Variants in UGDH observed in about 807,000 individuals in gnomAD.
The protein encoded by UGDH is UDP-Glc dehydrogenase.
Under a neutral mutation model 50.6 loss-of-function variants are expected in UGDH, and 38 were observed. That is an observed-to-expected ratio of 0.75 (90% CI 0.58 to 0.98). The LOEUF (loss-of-function observed/expected upper bound fraction) is 0.98. Among genes scored for constraint, UGDH ranks in the 50% least tolerant of loss-of-function variants. UGDH has a pLI of 0.00. For missense variants in UGDH, 465 were observed against 606.2 expected, an observed-to-expected ratio of 0.77 and a Z score of 2.45; for synonymous variants, 168 against 199.9, an observed-to-expected ratio of 0.84 and a Z score of 1.35.
In UGDH at chr4:39,505,357, T is replaced by C; in HGVS notation, c.1051A>G (p.Ile351Val). Residue 351 changes from isoleucine (I) to valine (V), a missense_variant, in exon 9 of 12, where the codon ATA becomes GTA. Physicochemically the swap from Ile to Val is conservative, Grantham distance 29. Transcript: ENST00000316423. The part of the protein sequence containing the change: ...DTGDTRESSS[I>V]YISKYLMDEG... ...TCCATCAAATATTTGCTAATATATA[T>C]ACTAGAAGATTCTCTATAGGAAAAA... 1 of 1,551,876 alleles carries C rather than the reference T, an allele frequency of 6.4e-7. No homozygotes were observed. The highest frequency in any genetic ancestry group is 8.7e-7 in the Non-Finnish European group (1 of 1,151,416).
At chr4:39,501,439 A>AT (rs1172862396) in intron 11 of UGDH, among the ~76,000 whole-genome samples, 3 of 151,334 alleles carry the variant, frequency 2.0e-5, no homozygotes, top group Non-Finnish European at 2.9e-5. Context: ...ACGCCCGGCA[A>AT]TTTTTTTGTA....
At chr4:39,506,818 T>C (rs1027873525) in intron 7 of UGDH, among the ~76,000 whole-genome samples, 18 of 152,162 alleles carry the variant, frequency 1.2e-4, no homozygotes, top group Admixed American at 3.9e-4. Flanking sequence ...AAAGCCATCA[T>C]GATGGATTGA....
Position 39,510,378 on chromosome 4 carries a change from G to A in UGDH, c.638C>T (p.Thr213Ile). ...VPREKILTTNTWSSELSKLAA... is the reference protein window; with the variant it reads ...VPREKILTTNIWSSELSKLAA... The stretch of plus-strand genomic sequence containing the variant: ...CAGTTTGGAAAGCTCTGAAGACCAA[G>A]TATTAGTGGTGAGGATCTTTTCTCT... Residue 213 changes from threonine (T) to isoleucine (I), a missense_variant, in exon 5 of 12, where the codon ACT becomes ATT. By Grantham distance (89) the Thr-to-Ile change is moderately conservative. Transcript: ENST00000316423. The A allele has an allele frequency of 6.2e-7, 1 of 1,614,214 alleles. No individual in the cohort carries two copies. Among genetic ancestry groups the A allele is most frequent in the Non-Finnish European group, 8.5e-7 (1 of 1,180,040 alleles).
rs774133578 is a variant in UGDH, at chr4:39,503,954, A to AT, written c.1294dup (p.Met432AsnfsTer20). ...ATCGAAGATAAAGGCTGGCTTTAGC[A>AT]TTTTTTTATGAATGCGTTCATAATC... On this transcript the variant is annotated frameshift_variant, in exon 11 of 12. Coordinates refer to ENST00000316423, the MANE Select transcript of UGDH (RefSeq NM_003359.4). LOFTEE classifies it high-confidence loss of function. 1.2e-6 allele frequency: 2 copies of AT among 1,614,034 alleles called. No homozygotes were observed. The highest frequency in any genetic ancestry group is 1.3e-5 in the African/African-American group (1 of 74,930).
rs973256107 is a variant in UGDH at position 39,505,652 on chromosome 4, C to T, written c.1003G>A (p.Gly335Arg). The T allele has an allele frequency of 1.9e-6, 3 of 1,604,986 alleles. No homozygotes were observed. The African/African-American group carries it at 4.0e-5, about 21-fold the overall frequency. The stretch of plus-strand genomic sequence containing the variant: ...CCAGTGTCCTTTTTGAATGCAAATC[C>T]CAAAATAGCTATCTTCTTATCAGTT... ...TVTDKKIAIL[G>R]FAFKKDTGDT... The change falls in exon 8 of 12, where the codon GGA (glycine) becomes AGA (arginine). Residue 335 changes from glycine to arginine, a missense_variant. By Grantham distance (125) the Gly-to-Arg change is moderately radical. Coordinates refer to ENST00000316423, the MANE Select transcript of UGDH (RefSeq NM_003359.4).
In UGDH at chr4:39,517,686, T is replaced by C. The variant is rs554479336; in HGVS notation, c.163-3502A>G. The stretch of plus-strand genomic sequence containing the variant: ...GTAAGTCAAAGCCCACTGTATGCCC[T>C]CTCCTAGTCACTACTATTCCCAAAT... On this transcript the variant is annotated intron_variant, in intron 2 of 11. Coordinates refer to ENST00000316423, the MANE Select transcript of UGDH (RefSeq NM_003359.4). Among the ~76,000 whole-genome samples the C allele has an allele frequency of 4.6e-5, 7 of 152,306 alleles. No individual in the cohort carries two copies. In the South Asian group the frequency reaches 1.5e-3, roughly 32 times the overall value.
At chr4:39,521,328 A>G (rs1334631574) in intron 2 of UGDH, 23 bp downstream of exon 2, 1 of 1,572,262 alleles carries the variant, frequency 6.4e-7, no homozygotes, top group South Asian at 1.2e-5. Flanking sequence ...GCATAAAAAC[A>G]AAGAGATGTT....
chr4:39,505,618 C>G lies in UGDH; in HGVS notation c.1037G>C (p.Arg346Thr). The G allele has an allele frequency of 1.3e-6, 2 of 1,587,918 alleles. No individual in the cohort carries two copies. The highest frequency in any genetic ancestry group is 1.7e-6 in the Non-Finnish European group (2 of 1,167,328). The stretch of plus-strand genomic sequence containing the variant: ...TTGAAATATTTTTAAAAACTGATAC[C>G]TTGTATCACCAGTGTCCTTTTTGAA... ...FAFKKDTGDT[R>T]ESSSIYISKY... Residue 346 changes from arginine (R) to threonine (T), a missense_variant and splice_region_variant, in exon 8 of 12, where the codon AGA (arginine) becomes ACA (threonine). Physicochemically the swap from Arg to Thr is moderately conservative, Grantham distance 71. Coordinates refer to ENST00000316423, the MANE Select transcript of UGDH (RefSeq NM_003359.4).
chr4:39,527,235 G>A, intron 1 of UGDH, 48 bp downstream of exon 1: 1 of 818,446 alleles, frequency 1.2e-6, no homozygotes, highest in South Asian at 1.6e-5. Context: ...GCCCAGACCT[G>A]GGAGCATCCC....
chr4:39,500,240 C>T lies in UGDH; in HGVS notation c.1388G>A (p.Gly463Asp). The change falls in exon 12 of 12, where the codon GGC (glycine) becomes GAC (aspartate). Residue 463 changes from glycine to aspartate, a missense_variant. Coordinates refer to ENST00000316423, the MANE Select transcript of UGDH (RefSeq NM_003359.4). ...QTIGFQIETI[G>D]KKVSSKRIPY... is the part of the protein sequence containing the mutation. ...AATTCTCTTTGAAGACACCTTTTTG[C>T]CAATTGTTTCAATCTGAAAAAAAAA... 1.3e-6 allele frequency: 2 copies of T among 1,584,544 alleles called. No homozygotes were observed. The highest frequency in any genetic ancestry group is 8.6e-7 in the Non-Finnish European group (1 of 1,164,802).
chr4:39,514,272 G>A, intron 2 of UGDH, 88 bp from the exon 3 acceptor site: 3 of 1,047,562 alleles, frequency 2.9e-6, no homozygotes, highest in Non-Finnish European at 4.3e-6. Flanking sequence ...TTGTTAAAGG[G>A]CATGGTAATA....
chr4:39,526,798 T>C (rs1248096517), intron 1 of UGDH, among the ~76,000 whole-genome samples: 1 of 152,130 alleles, frequency 6.6e-6, no homozygotes, highest in Non-Finnish European at 1.5e-5. Context: ...AGTCTTAGTA[T>C]TTTGCTCTCA....
Position 39,510,648 on chromosome 4 carries a change from T to C in UGDH, c.465+13A>G, listed in dbSNP as rs750064830. ...ATAAGAATAACCAGATTCTAATGCT[T>C]CATTTTTTATACCTGTAAATTCAAG... On this transcript the variant is annotated intron_variant, in intron 4 of 11. Coordinates refer to ENST00000316423, the MANE Select transcript of UGDH (RefSeq NM_003359.4). 5 of 1,614,232 alleles carry C rather than the reference T, an allele frequency of 3.1e-6. No individual in the cohort carries two copies. In the South Asian group the frequency reaches 5.5e-5, roughly 18 times the overall value.
chr4:39,522,570 G>C (rs533466649), intron 1 of UGDH, among the ~76,000 whole-genome samples: 3 of 152,118 alleles, frequency 2.0e-5, no homozygotes, highest in Non-Finnish European at 4.4e-5. Flanking sequence ...TTTTTGGTTT[G>C]AATCTGTATT....
chr4:39,512,174 T>C (rs957953094), intron 3 of UGDH, among the ~76,000 whole-genome samples: 3 of 152,126 alleles, frequency 2.0e-5, no homozygotes, highest in Admixed American at 1.3e-4. Context: ...ATGAATGTTA[T>C]AATGCTCTGA....
Position 39,500,189 on chromosome 4 carries a change from G to A in UGDH, c.1439C>T (p.Pro480Leu), listed in dbSNP as rs764992651. ...RIPYAPSGEI[P>L]KFSLQDPPNK... Reference sequence around the variant, plus strand: ...AGGTGGATCTTGAAGACTAAACTTCGGAATTTCACCAGAAGGAGCATATGG... The same window carrying A: ...AGGTGGATCTTGAAGACTAAACTTCAGAATTTCACCAGAAGGAGCATATGG... Residue 480 changes from proline (P) to leucine (L), a missense_variant, in exon 12 of 12, where the codon CCG becomes CTG. Transcript: ENST00000316423. 6.2e-6 allele frequency: 10 copies of A among 1,604,322 alleles called. No individual in the cohort carries two copies. Among genetic ancestry groups the A allele is most frequent in the Admixed American group, 5.0e-5 (3 of 59,742 alleles).
rs773832221 is a variant in UGDH, at chr4:39,505,760, T to C, written c.907-12A>G. 3 of 1,597,826 alleles carry C rather than the reference T, an allele frequency of 1.9e-6. No individual in the cohort carries two copies. The highest frequency in any genetic ancestry group is 1.7e-4 in the Middle Eastern group (1 of 5,976). On this transcript the variant is annotated splice_polypyrimidine_tract_variant and intron_variant, in intron 7 of 11. Coordinates refer to ENST00000316423, the MANE Select transcript of UGDH (RefSeq NM_003359.4). ...TTCATGTCTATGACCTGAAATTACA[T>C]GTACAATTGTGCAATGATTAGTTAA...
At chr4:39,523,003 C>T (rs965865895) in intron 1 of UGDH, among the ~76,000 whole-genome samples, 1 of 151,922 alleles carries the variant, frequency 6.6e-6, no homozygotes, top group Non-Finnish European at 1.5e-5. Flanking sequence ...CCTCGTGATC[C>T]ACCCGCCTCA....
chr4:39,505,563 A>C, intron 8 of UGDH, 55 bp downstream of exon 8: 1 of 1,460,986 alleles, frequency 6.8e-7, no homozygotes, highest in Non-Finnish European at 9.0e-7. Flanking sequence ...CAAAAAATTA[A>C]GATGAGGAGT....
Sources: allele counts gnomAD v4.1 joint callset (sites outside exome capture counted in the v4.1 genomes callset), GRCh38; gene constraint gnomAD v4.1.1; transcripts MANE v1.5; gene names NCBI Gene and HGNC (gene_info 2026-07-23, HGNC 2026-07-21).